The following OSTC variants were observed in gnomAD, a reference collection of about 807,000 sequenced individuals.
The protein encoded by OSTC is oligosaccharyltransferase complex non-catalytic subunit, also known as oligosaccharyltransferase complex subunit OSTC.
In OSTC, 16 loss-of-function variants were observed where a neutral mutation model predicts 16.4. The ratio of observed to expected loss-of-function variants is 0.98; its 90% CI spans 0.66 to 1.49. The LOEUF is 1.49. Ranked by LOEUF, OSTC falls within the 40% of genes most tolerant of loss-of-function variation. The pLI, the probability that OSTC is intolerant of heterozygous loss-of-function variation, is 0.00. For synonymous variants in OSTC, 67 were observed against 68.5 expected (o/e 0.98, Z 0.11); for missense variants, 139 against 186.3 (o/e 0.75, Z 1.48).
intron 3 of OSTC, among the ~76,000 whole-genome samples, chr4:108,658,561 ATTTAC>A (rs1389892990): frequency 6.6e-6 from 1 of 152,146 alleles, no homozygotes; most frequent in Non-Finnish European, 1.5e-5. Context: ...GTTTAAGATT[ATTTAC>A]TTGAAATGTG....
At chr4:108,650,894 A>T in intron 1 of OSTC, 100 bp downstream of exon 1, 1 of 1,542,854 alleles carries the variant, frequency 6.5e-7, no homozygotes, top group Non-Finnish European at 8.8e-7. Flanking sequence ...GGGGAAGCAT[A>T]GCTCTGCTTT....
At chr4:108,656,034 T>G (rs2110382616) in intron 2 of OSTC, among the ~76,000 whole-genome samples, 1 of 152,258 alleles carries the variant, frequency 6.6e-6, no homozygotes, top group African/African-American at 2.4e-5. Flanking sequence ...CTAGAGTGGC[T>G]GAGCTGAATA....
chr4:108,651,127 G>A, intron 1 of OSTC: 1 of 247,092 alleles, frequency 4.0e-6, no homozygotes, highest in Non-Finnish European at 8.0e-6. Context: ...AATGTCCTGG[G>A]AAAGCCTAAT....
intron 3 of OSTC, among the ~76,000 whole-genome samples, chr4:108,661,878 C>T (rs1726866242): frequency 6.6e-6 from 1 of 152,018 alleles, no homozygotes; most frequent in Non-Finnish European, 1.5e-5. Flanking sequence ...GGATTACAGG[C>T]GTGAGCCACC....
chr4:108,666,572 G>A (rs528510817), intron 3 of OSTC, among the ~76,000 whole-genome samples: 2 of 152,138 alleles, frequency 1.3e-5, no homozygotes, highest in East Asian at 1.9e-4. Flanking sequence ...TTAGCTGGGC[G>A]TGGTGGCGGT....
At chr4:108,665,812 C>T (rs1209415752) in intron 3 of OSTC, among the ~76,000 whole-genome samples, 1 of 152,040 alleles carries the variant, frequency 6.6e-6, no homozygotes, top group African/African-American at 2.4e-5. Flanking sequence ...CCTACCTCGG[C>T]TTCCCAAAGT....
At chr4:108,666,317 T>G (rs925768314) in intron 3 of OSTC, among the ~76,000 whole-genome samples, 2 of 152,240 alleles carry the variant, frequency 1.3e-5, no homozygotes, top group Non-Finnish European at 2.9e-5. Flanking sequence ...GAGCCTAAAA[T>G]AGATTGATTC....
Position 108,667,494 on chromosome 4 carries a change from A to C in OSTC, c.*229A>C. ...TTTTTTCCTGCTGGCCTATTGCTAT[A>C]CCAATGATGTTGAGTGGCATTTTCT... On this transcript the variant is annotated 3_prime_UTR_variant, in exon 4 of 4. Transcript: ENST00000361564. 5.1e-6 allele frequency: 2 copies of C among 395,738 alleles called. No individual in the cohort carries two copies. The highest frequency in any genetic ancestry group is 9.1e-6 in the Non-Finnish European group (2 of 220,866). 24.5% of individuals were successfully genotyped at this position (395,738 alleles called of 1,614,324 possible).
In OSTC at chr4:108,655,669, C is replaced by A; in HGVS notation, c.233+12C>A. The stretch of plus-strand genomic sequence containing the variant: ...TTCTTGGCCTACAGGTAAAAGATAC[C>A]TTTTTGAATGATTTGGTGGTGGGAA... On this transcript the variant is annotated intron_variant, in intron 2 of 3. Coordinates refer to ENST00000361564, the MANE Select transcript of OSTC (RefSeq NM_021227.4). The A allele has an allele frequency of 6.4e-7, 1 of 1,566,394 alleles. No homozygotes were observed. Among genetic ancestry groups the A allele is most frequent in the South Asian group, 1.1e-5 (1 of 89,354 alleles).
chr4:108,658,143 G>A (rs528177981), intron 3 of OSTC, among the ~76,000 whole-genome samples: 1 of 151,812 alleles, frequency 6.6e-6, no homozygotes, highest in Admixed American at 6.6e-5. Flanking sequence ...TGTTGACCAG[G>A]CTGATCTTGA....
At chr4:108,655,483 C>A (rs1361932171) in intron 1 of OSTC, 81 bp from the exon 2 acceptor site, 5 of 809,116 alleles carry the variant, frequency 6.2e-6, no homozygotes, top group African/African-American at 1.9e-5. Flanking sequence ...AGTAAATGAA[C>A]CTTAAGAGAC....
Position 108,653,124 on chromosome 4 carries a change from T to G in OSTC, c.139+2330T>G, listed in dbSNP as rs151183820. 4.6e-5 allele frequency among the ~76,000 whole-genome samples: 7 copies of G among 151,876 alleles called. No individual in the cohort carries two copies. The East Asian group carries it at 1.2e-3, about 25-fold the overall frequency. ...GTAGCTGGGACTATGGTGCAGGAGT[T>G]TGAAGTGGGAGGATCGCCTGAGCCT... On this transcript the variant is annotated intron_variant, in intron 1 of 3. Coordinates refer to ENST00000361564, the MANE Select transcript of OSTC (RefSeq NM_021227.4).
intron 1 of OSTC, 54 bp downstream of exon 1, chr4:108,650,848 C>G (rs961730253): frequency 6.2e-7 from 1 of 1,611,366 alleles, no homozygotes; most frequent in Non-Finnish European, 8.5e-7. Flanking sequence ...TGACCCGCCC[C>G]GGGAGGCGCG....
rs114644029 is a variant in OSTC, at chr4:108,652,691, T to C, written c.139+1897T>C. 3.9e-3 allele frequency among the ~76,000 whole-genome samples: 589 copies of C among 152,296 alleles called. 5 individuals carry two copies. The highest frequency in any genetic ancestry group is 0.013 in the African/African-American group (556 of 41,568). ...GACCCTGACCTCCTGAAGCTTATAATGTCATAGATGAGACATATTAAATGT... is the reference window on the plus strand; with the variant it reads ...GACCCTGACCTCCTGAAGCTTATAACGTCATAGATGAGACATATTAAATGT... On this transcript the variant is annotated intron_variant, in intron 1 of 3. Coordinates refer to ENST00000361564, the MANE Select transcript of OSTC (RefSeq NM_021227.4).
chr4:108,652,963 C>G (rs544089872), intron 1 of OSTC, among the ~76,000 whole-genome samples: 2 of 152,036 alleles, frequency 1.3e-5, no homozygotes, highest in Non-Finnish European at 2.9e-5. Context: ...TGCTTGTACC[C>G]GGGAGGTGAA....
chr4:108,655,484 C>T, intron 1 of OSTC, 80 bp from the exon 2 acceptor site: 1 of 860,854 alleles, frequency 1.2e-6, no homozygotes, highest in East Asian at 3.0e-5. Flanking sequence ...GTAAATGAAC[C>T]TTAAGAGACA....
At chr4:108,660,606 TA>T (rs962620202) in intron 3 of OSTC, among the ~76,000 whole-genome samples, 1 of 152,072 alleles carries the variant, frequency 6.6e-6, no homozygotes, top group African/African-American at 2.4e-5. Context: ...ACCACAACAA[TA>T]AAAAAGATGT....
At chr4:108,653,809 T>C (rs1345054228) in intron 1 of OSTC, among the ~76,000 whole-genome samples, 1 of 152,092 alleles carries the variant, frequency 6.6e-6, no homozygotes, top group Non-Finnish European at 1.5e-5. Context: ...CATTGAAGAG[T>C]ATAGGCAAAG....
intron 1 of OSTC, chr4:108,651,131 G>C (rs1184749478): frequency 8.5e-6 from 2 of 236,630 alleles, no homozygotes; most frequent in African/African-American, 4.5e-5. Flanking sequence ...TCCTGGGAAA[G>C]CCTAATTTGG....
Sources: allele counts gnomAD v4.1 joint callset (sites outside exome capture counted in the v4.1 genomes callset), GRCh38; gene constraint gnomAD v4.1.1; transcripts MANE v1.5; gene names NCBI Gene and HGNC (gene_info 2026-07-23, HGNC 2026-07-21).